The following MAP3K11 variants were observed in gnomAD, a reference collection of about 807,000 sequenced individuals.
MAP3K11 encodes mitogen-activated protein kinase kinase kinase 11, also known as SH3 domain-containing proline-rich kinase.
In MAP3K11, 46 loss-of-function variants were observed where a neutral mutation model predicts 84.9. That is an observed-to-expected ratio of 0.54 (90% CI 0.43 to 0.69). MAP3K11 has a LOEUF of 0.69. MAP3K11 is among the 30% of genes least tolerant of loss of function. The probability of loss-of-function intolerance (pLI) is 0.00; values close to 1 mark genes in which losing one functional copy is unlikely to be tolerated. For missense variants in MAP3K11, 1,053 were observed against 1,198.3 expected, an observed-to-expected ratio of 0.88 and a Z score of 1.79; for synonymous variants, 527 against 514.7, an observed-to-expected ratio of 1.02 and a Z score of -0.32.
chr11:65,605,547 G>A (rs1414006138), intron 8 of MAP3K11: 17 of 482,562 alleles, frequency 3.5e-5, no homozygotes, highest in East Asian at 1.1e-4. Context: ...GCCCCGAGCC[G>A]AGGCCTGGGC....
Position 65,608,353 on chromosome 11 carries a change from G to T in MAP3K11, c.835C>A (p.Gln279Lys), listed in dbSNP as rs770083831. The change falls in exon 2 of 10, where the codon CAA becomes AAA. Residue 279 changes from glutamine (Q) to lysine (K), a missense_variant. Transcript: ENST00000309100. ...GLAREWHKTT[Q>K]MSAAGTYAWM... ...GCGTAGGTGCCCGCGGCACTCATTT[G>T]TGTGGTTTTGTGCCACTCTCGGGCC... 6.2e-7 allele frequency: 1 copy of T among 1,614,216 alleles called. No individual in the cohort carries two copies. Among genetic ancestry groups the T allele is most frequent in the South Asian group, 1.1e-5 (1 of 91,082 alleles).
rs750295922 is a variant in MAP3K11 at position 65,613,683 on chromosome 11, C to G, written c.74G>C (p.Gly25Ala). The G allele has an allele frequency of 6.8e-6, 11 of 1,610,190 alleles. No homozygotes were observed. The highest frequency in any genetic ancestry group is 8.5e-6 in the Non-Finnish European group (10 of 1,179,040). ...SWNGSGSGGG[G>A]GGGGGRPEGS... ...CTCAGGCCGGCCTCCTCCACCGCCC[C>G]CACCACCCCCGCTGCCACTGCCATT... The change falls in exon 1 of 10, where the codon GGG becomes GCG. Residue 25 changes from glycine (G) to alanine (A), a missense_variant. Coordinates refer to ENST00000309100, the MANE Select transcript of MAP3K11 (RefSeq NM_002419.4).
chr11:65,612,755 G>A, intron 1 of MAP3K11: 1 of 376,830 alleles, frequency 2.7e-6, no homozygotes, highest in Non-Finnish European at 4.7e-6. Flanking sequence ...TGGCCCACCT[G>A]AGAGATACCA....
chr11:65,599,676 G>A lies in MAP3K11; in HGVS notation c.1924C>T (p.Gln642Ter). ...GSSSGTPKLI[Q>*]RALLRGTALL... is the part of the protein sequence containing the mutation. ...GCGGTGCCGCGCAGCAGCGCCCGCT[G>A]GATCAGCTTGGGCGTCCCAGAGCTG... The change falls in exon 9 of 10, where the codon CAG becomes TAG. Residue 642 changes from glutamine (Q) to a stop codon, truncating the protein, a stop_gained. Coordinates refer to ENST00000309100, the MANE Select transcript of MAP3K11 (RefSeq NM_002419.4). LOFTEE classifies it high-confidence loss of function. The A allele has an allele frequency of 6.4e-7, 1 of 1,558,296 alleles. No individual in the cohort carries two copies.
At position 65,607,792 on chromosome 11, in the gene MAP3K11, C is replaced by A. The variant is rs543409399; in HGVS notation, c.1094G>T (p.Arg365Leu). Residue 365 changes from arginine (R) to leucine (L), a missense_variant, in exon 4 of 10, where the codon CGC (arginine) becomes CTC (leucine). By Grantham distance (102) the Arg-to-Leu change is moderately radical. Transcript: ENST00000309100. ...MADCWAQDPH[R>L]RPDFASILQQ... ...CAGGATGGAGGCGAAGTCGGGCCTG[C>A]GGTGGGGGTCCTGCGCCCAGCAGTC... 6 of 1,612,308 alleles carry A rather than the reference C, an allele frequency of 3.7e-6. No individual in the cohort carries two copies. The South Asian group carries it at 6.6e-5, about 18-fold the overall frequency.
In MAP3K11 at chr11:65,608,089, G is replaced by A; in HGVS notation, c.921-19C>T. 11 of 1,611,332 alleles carry A rather than the reference G, an allele frequency of 6.8e-6. No homozygotes were observed. Among genetic ancestry groups the A allele is most frequent in the Non-Finnish European group, 9.3e-6 (11 of 1,177,786 alleles). On this transcript the variant is annotated intron_variant, in intron 2 of 9. Transcript: ENST00000309100. ...CCCAAAACTGTGGGCGAGACAACAG[G>A]TCTGTGTTCCCTTTTCTCTCCCAAC...
At chr11:65,603,725 C>T (rs1333940667) in intron 8 of MAP3K11, among the ~76,000 whole-genome samples, 1 of 152,260 alleles carries the variant, frequency 6.6e-6, no homozygotes, top group Non-Finnish European at 1.5e-5. Flanking sequence ...GCTCAGCCAG[C>T]CACTGAGCTG....
intron 8 of MAP3K11, among the ~76,000 whole-genome samples, 175 bp from the exon 9 acceptor site, chr11:65,599,943 A>G (rs1471866046): frequency 1.3e-5 from 2 of 152,180 alleles, no homozygotes; most frequent in African/African-American, 2.4e-5. Flanking sequence ...GCCTTTCACA[A>G]GATGGGCACT....
chr11:65,610,075 GGCT>G (rs1443793584), intron 1 of MAP3K11: 1 of 152,634 alleles, frequency 6.6e-6, no homozygotes, highest in Non-Finnish European at 1.5e-5. Context: ...CACTGCCCCT[GGCT>G]GACTCAGCCT....
intron 6 of MAP3K11, 184 bp from the exon 7 acceptor site, chr11:65,606,265 C>T (rs1854506685): frequency 3.4e-6 from 2 of 589,740 alleles, no homozygotes; most frequent in East Asian, 3.3e-5. Context: ...GGCATCTCAT[C>T]TAGCCCTTGG....
chr11:65,598,118 G>A lies in MAP3K11; in HGVS notation c.*173C>T. ...ACAGGTTTCAGATGTGGGGGCGCAG[G>A]TCCCCCTTCCAGTGTGAAGGCTTCC... On this transcript the variant is annotated 3_prime_UTR_variant, in exon 10 of 10. Transcript: ENST00000309100. 1 of 450,296 alleles carries A rather than the reference G, an allele frequency of 2.2e-6. No homozygotes were observed. Among genetic ancestry groups the A allele is most frequent in the Non-Finnish European group, 3.8e-6 (1 of 266,624 alleles). The allele number at this position is 450,296 out of a possible 1,614,324, so 27.9% of individuals were successfully genotyped here.
chr11:65,598,803 G>T (rs1480898652), intron 9 of MAP3K11, among the ~76,000 whole-genome samples, 175 bp from the exon 10 acceptor site: 2 of 152,176 alleles, frequency 1.3e-5, no homozygotes, highest in African/African-American at 2.4e-5. Flanking sequence ...TTAGGAGTGA[G>T]GCCTCTGCAG....
In MAP3K11 at chr11:65,612,914, G is replaced by C. The variant is rs11227240; in HGVS notation, c.739+104C>G. On this transcript the variant is annotated intron_variant, in intron 1 of 9. Transcript: ENST00000309100. ...CTGGTCAGCTGGGACCCCCTAGGGT[G>C]GGAGCTCCTACCTGCAGTAGACCCT... is the stretch of plus-strand genomic sequence containing the variant. 4,927 of 1,351,054 alleles carry C rather than the reference G, an allele frequency of 3.6e-3. 301 individuals carry two copies. The East Asian group carries it at 0.11, about 31-fold the overall frequency. The allele number at this position is 1,351,054 out of a possible 1,614,324, so 83.7% of individuals were successfully genotyped here. A position where few individuals can be genotyped will look rare whatever the true frequency, so the allele number is the denominator to read the frequency against.
chr11:65,608,026 T>C lies in MAP3K11; in HGVS notation c.965A>G (p.Tyr322Cys), dbSNP rs1854532881. The C allele has an allele frequency of 6.2e-7, 1 of 1,614,026 alleles. No individual in the cohort carries two copies. ...CACAGCAAGGCAGTCAATGCCACGGTATGGCACCTCCCCGGTCAGCAGTTC... is the reference window on the plus strand; with the variant it reads ...CACAGCAAGGCAGTCAATGCCACGGCATGGCACCTCCCCGGTCAGCAGTTC... ...LWELLTGEVPYRGIDCLAVAY... is the reference protein window; with the variant it reads ...LWELLTGEVPCRGIDCLAVAY... The change falls in exon 3 of 10, where the codon TAC (tyrosine) becomes TGC (cysteine). Residue 322 changes from tyrosine to cysteine, a missense_variant. Transcript: ENST00000309100.
At chr11:65,610,794 AG>A (rs1210552769) in intron 1 of MAP3K11, 11 of 152,280 alleles carry the variant, frequency 7.2e-5, no homozygotes, top group Non-Finnish European at 1.6e-4. Flanking sequence ...TGAGGCCCAG[AG>A]AGGGGCAACA....
chr11:65,605,086 G>C (rs190282541), intron 8 of MAP3K11, among the ~76,000 whole-genome samples: 40 of 152,248 alleles, frequency 2.6e-4, no homozygotes, highest in Non-Finnish European at 5.4e-4. Context: ...CCTCAGCTGG[G>C]GGTTTGAGGT....
In MAP3K11 at chr11:65,607,744, G is replaced by C. The variant is rs780040675; in HGVS notation, c.1142C>G (p.Ala381Gly). The C allele has an allele frequency of 6.2e-6, 10 of 1,613,746 alleles. No homozygotes were observed. The highest frequency in any genetic ancestry group is 8.5e-6 in the Non-Finnish European group (10 of 1,179,886). Residue 381 changes from alanine (A) to glycine (G), a missense_variant, in exon 4 of 10, where the codon GCA becomes GGA. This residue lies in a region of MAP3K11 where 310 missense variants were observed against 464.5 expected (regional missense o/e 0.67). Coordinates refer to ENST00000309100, the MANE Select transcript of MAP3K11 (RefSeq NM_002419.4). ...SILQQLEALE[A>G]QVLREMPRDS... The stretch of plus-strand genomic sequence containing the variant: ...CCGCGGCATTTCCCGTAGGACCTGT[G>C]CCTCCAGCGCCTCCAACTGCTGCAG...
Position 65,607,916 on chromosome 11 carries a change from T to A in MAP3K11, c.1069+6A>T, listed in dbSNP as rs375059468. On this transcript the variant is annotated splice_donor_region_variant and intron_variant, in intron 3 of 9. Coordinates refer to ENST00000309100, the MANE Select transcript of MAP3K11 (RefSeq NM_002419.4). ...TGTACCTCACCTGCCCTCCCCGTCC[T>A]CTTACCGGCCATAAGCTGTGCGAAG... The A allele has an allele frequency of 5.4e-5, 87 of 1,613,028 alleles. No homozygotes were observed. Among genetic ancestry groups the A allele is most frequent in the Non-Finnish European group, 6.9e-5 (81 of 1,179,326 alleles).
chr11:65,599,281 G>T, intron 9 of MAP3K11, 113 bp downstream of exon 9: 1 of 1,294,156 alleles, frequency 7.7e-7, no homozygotes. Flanking sequence ...TCAGGGTCCA[G>T]CTGATGACTG....
Sources: allele counts gnomAD v4.1 joint callset (sites outside exome capture counted in the v4.1 genomes callset), GRCh38; gene constraint gnomAD v4.1.1; regional missense constraint gnomAD v4.1.1; transcripts MANE v1.5; gene names NCBI Gene and HGNC (gene_info 2026-07-23, HGNC 2026-07-21).